The following GALNT14 variants were observed in gnomAD, a reference collection of about 807,000 sequenced individuals.
GALNT14 encodes UDP-GalNAc:polypeptide N-acetylgalactosaminyltransferase 14.
In GALNT14, 60 loss-of-function variants were observed where a neutral mutation model predicts 77.5. The ratio of observed to expected loss-of-function variants is 0.77; its 90% CI spans 0.63 to 0.96. The LOEUF is 0.96. Ranked by LOEUF, GALNT14 falls within the 40% of genes least tolerant of loss-of-function variation. The pLI, the probability that GALNT14 is intolerant of heterozygous loss-of-function variation, is 0.00. For synonymous variants in GALNT14, 280 were observed against 281.7 expected (o/e 0.99, Z 0.06); for missense variants, 710 against 731.0 (o/e 0.97, Z 0.33).
At chr2:31,007,644 C>T (rs1558487212) in intron 1 of GALNT14, among the ~76,000 whole-genome samples, 1 of 152,154 alleles carries the variant, frequency 6.6e-6, no homozygotes, top group Non-Finnish European at 1.5e-5. Context: ...AATCCGGTAA[C>T]TGGATAGGAA....
intron 2 of GALNT14, among the ~76,000 whole-genome samples, chr2:30,981,430 G>A (rs1269519249): frequency 6.6e-6 from 1 of 152,204 alleles, no homozygotes; most frequent in African/African-American, 2.4e-5. Context: ...TGTTTAATAG[G>A]TCCGGGGCTT....
chr2:30,990,507 G>T (rs991439497), intron 2 of GALNT14, among the ~76,000 whole-genome samples: 6 of 152,200 alleles, frequency 3.9e-5, no homozygotes, highest in Non-Finnish European at 8.8e-5. Context: ...AGACGGAAGG[G>T]CCCAGTTGAA....
intron 1 of GALNT14, among the ~76,000 whole-genome samples, chr2:31,110,546 T>G (rs1677782867): frequency 6.6e-6 from 1 of 152,126 alleles, no homozygotes. Flanking sequence ...CTTAGAGCAC[T>G]AGGGAAGAGA....
At chr2:31,018,870 C>T (rs1671545583) in intron 1 of GALNT14, among the ~76,000 whole-genome samples, 1 of 152,126 alleles carries the variant, frequency 6.6e-6, no homozygotes, top group South Asian at 2.1e-4. Flanking sequence ...GGGCCTGCGA[C>T]CTCTACCTAG....
intron 1 of GALNT14, among the ~76,000 whole-genome samples, chr2:31,083,672 T>G (rs1481588407): frequency 2.6e-5 from 4 of 152,174 alleles, no homozygotes; most frequent in Non-Finnish European, 5.9e-5. Context: ...GGGATTGGGA[T>G]CAGATCTGCT....
chr2:31,009,235 T>C (rs1010214730), intron 1 of GALNT14, among the ~76,000 whole-genome samples: 11 of 152,208 alleles, frequency 7.2e-5, no homozygotes, highest in African/African-American at 2.7e-4. Flanking sequence ...GGGCACCTAC[T>C]GGATGCTCAG....
intron 1 of GALNT14, among the ~76,000 whole-genome samples, chr2:31,044,198 A>G (rs1025725140): frequency 6.6e-5 from 10 of 152,224 alleles, no homozygotes; most frequent in African/African-American, 1.4e-4. Flanking sequence ...CTGACACATC[A>G]GAGTTCCCAG....
intron 1 of GALNT14, among the ~76,000 whole-genome samples, chr2:31,037,619 G>A (rs1672821591): frequency 6.6e-6 from 1 of 151,980 alleles, no homozygotes; most frequent in South Asian, 2.1e-4. Flanking sequence ...CATATAATGT[G>A]GAAACTATGG....
intron 1 of GALNT14, among the ~76,000 whole-genome samples, chr2:31,127,228 C>T (rs967019953): frequency 2.0e-5 from 3 of 152,164 alleles, no homozygotes. Flanking sequence ...AACTGACTTA[C>T]AATGCCAGAG....
Position 30,964,459 on chromosome 2 carries a change from A to C in GALNT14, c.398+1745T>G, listed in dbSNP as rs551313776. ...CTCCATCCCTGTTGTCCCCACACTT[A>C]ACCAGCCAGGCGCTTTGTTATCGTT... On this transcript the variant is annotated intron_variant, in intron 3 of 14. Transcript: ENST00000349752. Among the ~76,000 whole-genome samples, 9 of 152,308 alleles carry C rather than the reference A, an allele frequency of 5.9e-5. No homozygotes were observed. In the South Asian group the frequency reaches 1.9e-3, roughly 32 times the overall value.
chr2:30,923,739 C>T (rs1665181365), intron 13 of GALNT14, among the ~76,000 whole-genome samples: 1 of 152,196 alleles, frequency 6.6e-6, no homozygotes, highest in Non-Finnish European at 1.5e-5. Context: ...CACCCAGCGG[C>T]AGTCTTCTCC....
At chr2:31,036,259 A>G (rs1186047990) in intron 1 of GALNT14, among the ~76,000 whole-genome samples, 1 of 152,112 alleles carries the variant, frequency 6.6e-6, no homozygotes, top group African/African-American at 2.4e-5. Context: ...CTTCTAGCAT[A>G]CCATTTTTGT....
the GALNT14 span, among the ~76,000 whole-genome samples, chr2:30,900,771 C>T: frequency 9.2e-5 from 14 of 152,172 alleles, no homozygotes; most frequent in Non-Finnish European, 1.8e-4. Context: ...CATGAATGAG[C>T]GCTGAAGGGG....
intron 3 of GALNT14, among the ~76,000 whole-genome samples, chr2:30,964,305 C>T (rs1177156076): frequency 6.6e-6 from 1 of 152,210 alleles, no homozygotes; most frequent in Non-Finnish European, 1.5e-5. Flanking sequence ...TGCCCCAGCA[C>T]ATCACAACGG....
intron 1 of GALNT14, among the ~76,000 whole-genome samples, chr2:31,070,694 C>T (rs1675308280): frequency 6.6e-6 from 1 of 152,230 alleles, no homozygotes; most frequent in African/African-American, 2.4e-5. Flanking sequence ...AATTTTTCTT[C>T]AGGTTCATCC....
chr2:30,958,964 G>A (rs1667529418), intron 3 of GALNT14, among the ~76,000 whole-genome samples: 1 of 152,144 alleles, frequency 6.6e-6, no homozygotes, highest in Admixed American at 6.5e-5. Context: ...CCCCCCAGGG[G>A]CTCCTCACTA....
At chr2:31,117,393 A>G (rs761169975) in intron 1 of GALNT14, among the ~76,000 whole-genome samples, 55 of 152,336 alleles carry the variant, frequency 3.6e-4, no homozygotes, top group Non-Finnish European at 6.5e-4. Context: ...ACAACCCTAT[A>G]TGCCCTAATT....
At chr2:30,934,174 T>C (rs1390865258) in intron 9 of GALNT14, among the ~76,000 whole-genome samples, 1 of 152,090 alleles carries the variant, frequency 6.6e-6, no homozygotes, top group Non-Finnish European at 1.5e-5. Flanking sequence ...TTCACATGAG[T>C]CATTGAGCAA....
At chr2:30,941,540 T>C (rs1573003445) in intron 9 of GALNT14, among the ~76,000 whole-genome samples, 1 of 152,330 alleles carries the variant, frequency 6.6e-6, no homozygotes, top group Admixed American at 6.5e-5. Context: ...CTAGATGGAA[T>C]GGGTCTTTCT....
Sources: allele counts gnomAD v4.1 joint callset (sites outside exome capture counted in the v4.1 genomes callset), GRCh38; gene constraint gnomAD v4.1.1; transcripts MANE v1.5; gene names NCBI Gene and HGNC (gene_info 2026-07-23, HGNC 2026-07-21).